CCDC138: variants seen among roughly 807,000 people sequenced by gnomAD.
CCDC138 encodes the protein coiled-coil domain-containing protein 138.
Under a neutral mutation model 82.3 loss-of-function variants are expected in CCDC138, and 66 were observed. The observed-to-expected ratio is 0.80, with a 90% CI of 0.66 to 0.98. The LOEUF (loss-of-function observed/expected upper bound fraction) is 0.98. Ranked by LOEUF, CCDC138 falls within the 50% of genes least tolerant of loss-of-function variation. CCDC138 has a pLI of 0.00. For missense variants in CCDC138, 816 were observed against 758.9 expected (o/e 1.08, Z -0.88); for synonymous variants, 297 against 265.4 (o/e 1.12, Z -1.16).
At chr2:108,820,651 G>A (rs1163703739) in intron 10 of CCDC138, among the ~76,000 whole-genome samples, 1 of 149,354 alleles carries the variant, frequency 6.7e-6, no homozygotes, top group African/African-American at 2.5e-5. Context: ...AGATTTCTCA[G>A]CAGAAACCTT....
chr2:108,816,853 C>T (rs1420120100), intron 10 of CCDC138, among the ~76,000 whole-genome samples: 1 of 152,106 alleles, frequency 6.6e-6, no homozygotes, highest in Non-Finnish European at 1.5e-5. Context: ...ACCACCTTGC[C>T]AGCTAATTTT....
chr2:108,818,835 A>C (rs922658693), intron 10 of CCDC138, among the ~76,000 whole-genome samples: 1 of 148,516 alleles, frequency 6.7e-6, no homozygotes, highest in Admixed American at 6.7e-5. Context: ...TTTTTTTTGT[A>C]TATTTGATCA....
At chr2:108,813,248 CAA>C (rs371435296) in intron 9 of CCDC138, among the ~76,000 whole-genome samples, 7 of 63,540 alleles carry the variant, frequency 1.1e-4, no homozygotes, top group Admixed American at 1.0e-3. Context: ...GACTCCGTCT[CAA>C]AAAAAAAAAA....
At position 108,791,658 on chromosome 2, in the gene CCDC138, C is replaced by A; in HGVS notation, c.267-17C>A. 1 of 1,599,910 alleles carries A rather than the reference C, an allele frequency of 6.3e-7. No homozygotes were observed. The highest frequency in any genetic ancestry group is 8.5e-7 in the Non-Finnish European group (1 of 1,171,558). On this transcript the variant is annotated splice_polypyrimidine_tract_variant and intron_variant, in intron 3 of 14. Transcript: ENST00000295124. ...AGTAAACTTCTAGATTGCTGTGATA[C>A]AATTATTTTTTTAAAGCCTAGATGA...
At chr2:108,873,830 C>T (rs536923375) in intron 14 of CCDC138, among the ~76,000 whole-genome samples, 128 of 152,214 alleles carry the variant, frequency 8.4e-4, no homozygotes, top group African/African-American at 3.0e-3. Context: ...CCATCCTGGG[C>T]CGCATGCAGC....
chr2:108,788,497 C>G (rs1167670617), intron 2 of CCDC138, among the ~76,000 whole-genome samples: 1 of 151,860 alleles, frequency 6.6e-6, no homozygotes, highest in African/African-American at 2.4e-5. Context: ...GCGGGCGGAT[C>G]ACGAGGTCAG....
intron 7 of CCDC138, among the ~76,000 whole-genome samples, chr2:108,812,253 T>G (rs1275840773): frequency 6.6e-6 from 1 of 152,160 alleles, no homozygotes; most frequent in African/African-American, 2.4e-5. Flanking sequence ...CATATACACA[T>G]AGTCCCAGTA....
intron 13 of CCDC138, among the ~76,000 whole-genome samples, chr2:108,872,653 G>A (rs4676215): frequency 0.73 from 110,699 of 151,972 alleles, 43,060 homozygotes; most frequent in East Asian, 0.95. Context: ...ACCTGGCAGA[G>A]GACAAGAGGG....
At chr2:108,794,118 G>T (rs1418052294) in intron 4 of CCDC138, among the ~76,000 whole-genome samples, 1 of 152,132 alleles carries the variant, frequency 6.6e-6, no homozygotes, top group Non-Finnish European at 1.5e-5. Flanking sequence ...GGCAAAACAA[G>T]CAAGGACTTT....
chr2:108,870,551 C>T (rs1695072458), intron 13 of CCDC138, among the ~76,000 whole-genome samples: 2 of 152,142 alleles, frequency 1.3e-5, no homozygotes, highest in Admixed American at 1.3e-4. Flanking sequence ...GACATCAAGA[C>T]ACATTATCAT....
At chr2:108,819,568 A>G (rs1278795723) in intron 10 of CCDC138, among the ~76,000 whole-genome samples, 1 of 152,200 alleles carries the variant, frequency 6.6e-6, no homozygotes, top group Non-Finnish European at 1.5e-5. Context: ...CTGAGAGGAA[A>G]CAGCGATAAG....
chr2:108,810,558 G>T (rs1347472024), intron 7 of CCDC138, among the ~76,000 whole-genome samples: 1 of 152,042 alleles, frequency 6.6e-6, no homozygotes, highest in Non-Finnish European at 1.5e-5. Context: ...GTTGAATTTG[G>T]TTTGCTAATA....
In CCDC138 at chr2:108,794,585, G is replaced by A. The variant is rs777438844; in HGVS notation, c.440G>A (p.Cys147Tyr). The change falls in exon 5 of 15, where the codon TGT becomes TAT. Residue 147 changes from cysteine (C) to tyrosine (Y), a missense_variant. Transcript: ENST00000295124. The stretch of plus-strand genomic sequence containing the variant: ...ACCTCATCGAGACCTCGGACTGAGT[G>A]TTGTAGTGATGCAGGTGACTCTCCT... ...NTTSSRPRTE[C>Y]CSDAGDSPLK... The A allele has an allele frequency of 3.1e-6, 5 of 1,613,974 alleles. No individual in the cohort carries two copies. Among genetic ancestry groups the A allele is most frequent in the Admixed American group, 1.7e-5 (1 of 59,988 alleles).
At chr2:108,835,994 G>A (rs1016039643) in intron 10 of CCDC138, among the ~76,000 whole-genome samples, 2 of 152,106 alleles carry the variant, frequency 1.3e-5, no homozygotes, top group East Asian at 1.9e-4. Context: ...AGTCCCACAC[G>A]CCTTTATTAT....
intron 14 of CCDC138, among the ~76,000 whole-genome samples, chr2:108,875,338 A>C (rs1033584307): frequency 1.9e-5 from 2 of 103,014 alleles, no homozygotes; most frequent in African/African-American, 6.0e-5. Context: ...AAAAAAAAAG[A>C]AACAAATTCT....
intron 10 of CCDC138, among the ~76,000 whole-genome samples, chr2:108,822,276 G>T (rs930417819): frequency 6.6e-6 from 1 of 152,024 alleles, no homozygotes; most frequent in African/African-American, 2.4e-5. Context: ...AAATATTTAT[G>T]CCCTGAAACA....
At chr2:108,835,198 T>A (rs750522718) in intron 10 of CCDC138, among the ~76,000 whole-genome samples, 3 of 152,204 alleles carry the variant, frequency 2.0e-5, no homozygotes, top group East Asian at 1.9e-4. Flanking sequence ...ATGACTACTG[T>A]AGTGTAAGTT....
At chr2:108,791,344 A>G (rs565329714) in intron 3 of CCDC138, among the ~76,000 whole-genome samples, 29 of 152,220 alleles carry the variant, frequency 1.9e-4, no homozygotes, top group Middle Eastern at 3.4e-3. Context: ...TTACTTATGT[A>G]TATTATTTTA....
chr2:108,874,284 C>T (rs563363097), intron 14 of CCDC138, among the ~76,000 whole-genome samples: 2 of 152,220 alleles, frequency 1.3e-5, no homozygotes, highest in Admixed American at 6.5e-5. Context: ...TTTTAGTAAA[C>T]TCTTATGGAC....
Sources: allele counts gnomAD v4.1 joint callset (sites outside exome capture counted in the v4.1 genomes callset), GRCh38; gene constraint gnomAD v4.1.1; transcripts MANE v1.5; gene names NCBI Gene and HGNC (gene_info 2026-07-23, HGNC 2026-07-21).